Variants in KCNMA1 observed in about 807,000 individuals in gnomAD.
KCNMA1 encodes potassium calcium-activated channel subfamily M alpha 1, also known as Calcium-activated potassium channel subunit alpha-1.
KCNMA1 carries 29 observed loss-of-function variants against 140.0 expected under a neutral mutation model. The ratio of observed to expected loss-of-function variants is 0.21; its 90% CI spans 0.15 to 0.28. KCNMA1 has a LOEUF of 0.28. Among genes scored for constraint, KCNMA1 ranks in the 10% least tolerant of loss-of-function variants. KCNMA1 has a pLI of 1.00. For synonymous variants in KCNMA1, 612 were observed against 611.9 expected (o/e 1.00, Z 0.00); for missense variants, 880 against 1,602.2 (o/e 0.55, Z 7.70).
intron 3 of KCNMA1, among the ~76,000 whole-genome samples, chr10:77,208,933 G>C (rs1173806441): frequency 6.6e-6 from 1 of 152,144 alleles, no homozygotes; most frequent in Non-Finnish European, 1.5e-5. Flanking sequence ...AGCAATGCTG[G>C]TGTTCTATGG....
chr10:77,002,899 C>T (rs758605289), intron 18 of KCNMA1, among the ~76,000 whole-genome samples: 14 of 152,150 alleles, frequency 9.2e-5, no homozygotes, highest in Non-Finnish European at 1.8e-4. Context: ...ATTCCCTGCA[C>T]CCACACCTTC....
intron 3 of KCNMA1, among the ~76,000 whole-genome samples, chr10:77,248,743 C>T (rs1344368409): frequency 1.3e-5 from 2 of 151,742 alleles, no homozygotes; most frequent in Admixed American, 6.6e-5. Flanking sequence ...TCACTAAGCT[C>T]GATTATAATT....
intron 1 of KCNMA1, among the ~76,000 whole-genome samples, chr10:77,412,369 G>T (rs2096638597): frequency 6.6e-6 from 1 of 152,124 alleles, no homozygotes; most frequent in Non-Finnish European, 1.5e-5. Flanking sequence ...CCTCTCCCTG[G>T]CCACTCCATT....
chr10:77,012,392 G>A (rs1285347521), intron 17 of KCNMA1: 4 of 1,534,080 alleles, frequency 2.6e-6, no homozygotes, highest in African/African-American at 2.8e-5. Context: ...TGAGCCCTGG[G>A]CCCTTGGTGG....
intron 16 of KCNMA1, among the ~76,000 whole-genome samples, chr10:77,023,581 G>A (rs1196596906): frequency 6.6e-6 from 1 of 152,150 alleles, no homozygotes; most frequent in Non-Finnish European, 1.5e-5. Context: ...ATTGAGAAGA[G>A]GCTTCTTTGA....
rs779214945 is a variant in KCNMA1, at chr10:76,878,727, G to A, written c.3428-837C>T. On this transcript the variant is annotated intron_variant, in intron 29 of 29. Transcript: ENST00000372403. ...CTGAGAGAGAATGCTGAGTCAGGGC[G>A]TTTGGGGGCTGGGGTGAGAATGAAA... Among the ~76,000 whole-genome samples, 13 of 152,242 alleles carry A rather than the reference G, an allele frequency of 8.5e-5. No individual in the cohort carries two copies. In the South Asian group the frequency reaches 1.2e-3, roughly 15 times the overall value.
chr10:77,256,843 A>G (rs540553552), intron 2 of KCNMA1, among the ~76,000 whole-genome samples: 1 of 152,244 alleles, frequency 6.6e-6, no homozygotes, highest in South Asian at 2.1e-4. Context: ...AAAATCCACT[A>G]TATTAAAAAA....
At chr10:77,220,340 T>G (rs1044709523) in intron 3 of KCNMA1, among the ~76,000 whole-genome samples, 1 of 152,118 alleles carries the variant, frequency 6.6e-6, no homozygotes, top group Non-Finnish European at 1.5e-5. Context: ...GTGGTCAGAA[T>G]CTAGAGCCAC....
intron 5 of KCNMA1, among the ~76,000 whole-genome samples, chr10:77,169,168 G>C (rs2154095609): frequency 6.6e-6 from 1 of 152,290 alleles, no homozygotes; most frequent in African/African-American, 2.4e-5. Context: ...CAGGTAAGCA[G>C]AGAAGACAAG....
chr10:77,311,365 G>T (rs931815455), intron 2 of KCNMA1, among the ~76,000 whole-genome samples: 12 of 152,072 alleles, frequency 7.9e-5, no homozygotes, highest in Admixed American at 2.0e-4. Flanking sequence ...TCATACTATA[G>T]GCTTGTTTCC....
chr10:77,502,259 C>T (rs1295635519), intron 1 of KCNMA1, among the ~76,000 whole-genome samples: 2 of 152,214 alleles, frequency 1.3e-5, no homozygotes, highest in African/African-American at 4.8e-5. Context: ...GCCTTTTCTT[C>T]ATAGCATTTC....
At chr10:76,942,619 G>T (rs776812493) in intron 23 of KCNMA1, among the ~76,000 whole-genome samples, 11 of 152,134 alleles carry the variant, frequency 7.2e-5, no homozygotes, top group Non-Finnish European at 1.5e-4. Flanking sequence ...CTTTATATAG[G>T]ATCTAAGAGG....
At chr10:77,016,795 T>C (rs1255317479) in intron 17 of KCNMA1, among the ~76,000 whole-genome samples, 5 of 152,172 alleles carry the variant, frequency 3.3e-5, no homozygotes, top group Admixed American at 2.0e-4. Flanking sequence ...GTTTCACTCC[T>C]CATTTACTAA....
chr10:76,989,747 G>C (rs2082231245), intron 19 of KCNMA1, among the ~76,000 whole-genome samples: 1 of 151,580 alleles, frequency 6.6e-6, no homozygotes, highest in Non-Finnish European at 1.5e-5. Context: ...CTATCTGTGG[G>C]CTTCTCTGCC....
intron 25 of KCNMA1, among the ~76,000 whole-genome samples, chr10:76,906,742 T>C (rs1216098057): frequency 6.6e-6 from 1 of 152,222 alleles, no homozygotes; most frequent in African/African-American, 2.4e-5. Flanking sequence ...ACAGCCCTTT[T>C]TGTTCCTTCT....
chr10:77,543,102 C>T (rs556643593), intron 1 of KCNMA1, among the ~76,000 whole-genome samples: 13 of 152,066 alleles, frequency 8.5e-5, no homozygotes, highest in Middle Eastern at 3.4e-3. Flanking sequence ...CAGGGCTCAA[C>T]GCTTAATTGA....
intron 14 of KCNMA1, among the ~76,000 whole-genome samples, chr10:77,052,822 A>G (rs776782187): frequency 2.6e-5 from 4 of 152,178 alleles, no homozygotes; most frequent in Non-Finnish European, 5.9e-5. Flanking sequence ...GCAGTCAAGC[A>G]GACCCATGCT....
chr10:76,881,322 A>C (rs959905404), downstream of KCNMA1, among the ~76,000 whole-genome samples: 4 of 152,250 alleles, frequency 2.6e-5, no homozygotes, highest in African/African-American at 9.6e-5. Flanking sequence ...AATAGGGCTG[A>C]TGATACAAAC....
chr10:77,187,237 T>C (rs779433920), intron 3 of KCNMA1, among the ~76,000 whole-genome samples: 64 of 152,292 alleles, frequency 4.2e-4, no homozygotes, highest in Middle Eastern at 3.4e-3. Flanking sequence ...CAGAGGATAC[T>C]TGGATTCAAC....
Sources: allele counts gnomAD v4.1 joint callset (sites outside exome capture counted in the v4.1 genomes callset), GRCh38; gene constraint gnomAD v4.1.1; transcripts MANE v1.5; gene names NCBI Gene and HGNC (gene_info 2026-07-23, HGNC 2026-07-21).